FREM1: variants seen among roughly 807,000 people sequenced by gnomAD.
FREM1 encodes the protein FRAS1-related extracellular matrix protein 1.
FREM1 carries 220 observed loss-of-function variants against 210.1 expected under a neutral mutation model. The observed-to-expected ratio is 1.05, with a 90% CI of 0.94 to 1.17. The LOEUF (loss-of-function observed/expected upper bound fraction) is 1.17. FREM1 is among the 50% of genes most tolerant of loss of function. The probability of loss-of-function intolerance (pLI) is 0.00; values close to 1 mark genes in which losing one functional copy is unlikely to be tolerated. For missense variants in FREM1, 3,454 were observed against 2,675.5 expected, an observed-to-expected ratio of 1.29 and a Z score of -6.42; for synonymous variants, 1,189 against 980.2, an observed-to-expected ratio of 1.21 and a Z score of -3.98.
At chr9:14,828,248 T>A (rs1299873286) in intron 10 of FREM1, among the ~76,000 whole-genome samples, 1 of 152,206 alleles carries the variant, frequency 6.6e-6, no homozygotes, top group Non-Finnish European at 1.5e-5. Context: ...AATCCTAGCC[T>A]CAGCATGTCC....
rs1413607722 is a variant in FREM1 at position 14,813,212 on chromosome 9, T to C, written c.2641-148A>G. On this transcript the variant is annotated intron_variant, in intron 15 of 36. Transcript: ENST00000380880. ...AGCCGTGAAATTTGGCCAAGTAATC[T>C]GTGTCTTTTAACTTTTCCCATGTAA... 1.1e-5 allele frequency: 9 copies of C among 814,812 alleles called. No homozygotes were observed. In the East Asian group the frequency reaches 2.4e-4, roughly 22 times the overall value. The allele number at this position is 814,812 out of a possible 1,614,324, so 50.5% of individuals were successfully genotyped here.
At chr9:14,860,954 CACATATATACACATATAT>C (rs1242738868) in intron 3 of FREM1, among the ~76,000 whole-genome samples, 9 of 86,078 alleles carry the variant, frequency 1.0e-4, no homozygotes, top group East Asian at 2.4e-4. Flanking sequence ...TACACATATA[CACATATATACACATATAT>C]ACATATATAC....
At chr9:14,888,090 G>C (rs757889279) in intron 1 of FREM1, among the ~76,000 whole-genome samples, 5 of 152,118 alleles carry the variant, frequency 3.3e-5, no homozygotes, top group Non-Finnish European at 5.9e-5. Flanking sequence ...GAGCCACCAC[G>C]TCTGGCCAAA....
intron 8 of FREM1, among the ~76,000 whole-genome samples, chr9:14,843,977 G>T (rs1309368891): frequency 6.6e-6 from 1 of 152,102 alleles, no homozygotes; most frequent in Non-Finnish European, 1.5e-5. Context: ...TAAGTCTCAG[G>T]TTACCCATTT....
At chr9:14,895,379 T>C (rs1291740736) in intron 1 of FREM1, among the ~76,000 whole-genome samples, 1 of 152,120 alleles carries the variant, frequency 6.6e-6, no homozygotes, top group Non-Finnish European at 1.5e-5. Flanking sequence ...TCATCAGTTG[T>C]TTTTTGAGTA....
intron 1 of FREM1, among the ~76,000 whole-genome samples, chr9:14,884,027 G>A (rs142109370): frequency 0.012 from 1,764 of 152,218 alleles, 50 homozygotes; most frequent in East Asian, 0.11. Flanking sequence ...TCAGGAGTTC[G>A]AGCCCAGCCT....
chr9:14,820,652 C>G (rs1218632090), intron 13 of FREM1, among the ~76,000 whole-genome samples: 1 of 152,216 alleles, frequency 6.6e-6, no homozygotes, highest in East Asian at 1.9e-4. Flanking sequence ...AGGGCAGCCC[C>G]TTGCATCATG....
Position 14,851,424 on chromosome 9 carries a change from T to G in FREM1, c.1012A>C (p.Lys338Gln), listed in dbSNP as rs1308918163. The G allele has an allele frequency of 6.2e-7, 1 of 1,613,938 alleles. No individual in the cohort carries two copies. Among genetic ancestry groups the G allele is most frequent in the South Asian group, 1.1e-5 (1 of 91,078 alleles). Residue 338 changes from lysine to glutamine, a missense_variant, in exon 6 of 37, where the codon AAA becomes CAA. Coordinates refer to ENST00000380880, the MANE Select transcript of FREM1 (RefSeq NM_001379081.2). The stretch of plus-strand genomic sequence containing the variant: ...GTCACATAGCCCTGGAGCGGGGCTT[T>G]AGTAATGTTGAACACCAGCAAGGGT... ...PKPLLVFNIT[K>Q]APLQGYVTHL... is the part of the protein sequence containing the mutation.
intron 10 of FREM1, among the ~76,000 whole-genome samples, chr9:14,837,038 C>T (rs925212587): frequency 6.6e-6 from 1 of 152,200 alleles, no homozygotes; most frequent in Non-Finnish European, 1.5e-5. Flanking sequence ...AAATGCCGGC[C>T]ATTAGAAACT....
chr9:14,889,477 C>T (rs2132337858), intron 1 of FREM1, among the ~76,000 whole-genome samples: 1 of 152,074 alleles, frequency 6.6e-6, no homozygotes, highest in African/African-American at 2.4e-5. Context: ...GAGAGGAAGA[C>T]CCATGGTCGT....
chr9:14,901,959 C>T (rs1194318087), intron 1 of FREM1, among the ~76,000 whole-genome samples: 2 of 151,810 alleles, frequency 1.3e-5, no homozygotes, highest in Non-Finnish European at 2.9e-5. Flanking sequence ...TCAAGTGATC[C>T]TCCCACCTGT....
At chr9:14,879,231 G>A (rs757692815) in intron 1 of FREM1, among the ~76,000 whole-genome samples, 18 of 151,214 alleles carry the variant, frequency 1.2e-4, no homozygotes, top group Non-Finnish European at 2.5e-4. Flanking sequence ...CGTGAATTCC[G>A]TTACTGAGAA....
chr9:14,848,560 C>A (rs1257787794), intron 7 of FREM1, 105 bp downstream of exon 7: 2 of 529,200 alleles, frequency 3.8e-6, no homozygotes, highest in Non-Finnish European at 6.7e-6. Flanking sequence ...GTTTCAGTTG[C>A]CACATGTATG....
chr9:14,819,496 G>T, intron 13 of FREM1, 54 bp from the exon 14 acceptor site: 2 of 1,088,122 alleles, frequency 1.8e-6, no homozygotes, highest in South Asian at 1.4e-5. Flanking sequence ...GACCCCTGAA[G>T]ACAGAGCTCA....
intron 5 of FREM1, among the ~76,000 whole-genome samples, chr9:14,854,182 C>CA (rs1452917918): frequency 6.6e-6 from 1 of 152,024 alleles, no homozygotes; most frequent in Non-Finnish European, 1.5e-5. Flanking sequence ...AATAAAACAT[C>CA]AACTGTGATA....
intron 1 of FREM1, among the ~76,000 whole-genome samples, chr9:14,881,431 A>G (rs1400291449): frequency 2.0e-5 from 3 of 152,242 alleles, no homozygotes; most frequent in Non-Finnish European, 4.4e-5. Context: ...AGGCTTTGCC[A>G]TATTTTACAA....
chr9:14,812,673 A>C (rs773534057), intron 16 of FREM1, 139 bp downstream of exon 16: 2 of 816,338 alleles, frequency 2.4e-6, no homozygotes, highest in Non-Finnish European at 3.8e-6. Context: ...ATGCTGGAAA[A>C]ATGGAGGCCA....
rs182943475 is a variant in FREM1 at position 14,846,486 on chromosome 9, C to A, written c.1262-395G>T. Among the ~76,000 whole-genome samples, 12 of 152,144 alleles carry A rather than the reference C, an allele frequency of 7.9e-5. 1 individual carries two copies. The highest frequency in any genetic ancestry group is 2.9e-4 in the African/African-American group (12 of 41,494). ...GGCACATGTATACCTATGTAACAAACCTACACGTTCAGCACATATACCCCA... is the reference window on the plus strand; with the variant it reads ...GGCACATGTATACCTATGTAACAAAACTACACGTTCAGCACATATACCCCA... On this transcript the variant is annotated intron_variant, in intron 7 of 36. Transcript: ENST00000380880.
In FREM1 at chr9:14,792,803, G is replaced by C; in HGVS notation, c.3921C>G (p.Pro1307=). 1.9e-6 allele frequency: 3 copies of C among 1,606,900 alleles called. No homozygotes were observed. The highest frequency in any genetic ancestry group is 2.6e-6 in the Non-Finnish European group (3 of 1,175,830). The change falls in exon 22 of 37, where the codon CCC becomes CCG. Residue 1307 remains proline, a synonymous_variant. Transcript: ENST00000380880. ...AILSAIDEDS[P]REKIYYVFER... is the part of the protein sequence containing the mutation. ...CAAATACATAGTAAATCTTCTCCCT[G>C]GGTGAGTCTTCATCTATGGCTGAAA...
Sources: allele counts gnomAD v4.1 joint callset (sites outside exome capture counted in the v4.1 genomes callset), GRCh38; gene constraint gnomAD v4.1.1; transcripts MANE v1.5; gene names NCBI Gene and HGNC (gene_info 2026-07-23, HGNC 2026-07-21).